MYO10: variants seen among roughly 807,000 people sequenced by gnomAD.
MYO10 encodes unconventional myosin-X.
A neutral mutation model predicts 257.3 loss-of-function variants in MYO10; 133 were observed. That is an observed-to-expected ratio of 0.52 (90% CI 0.45 to 0.60). The LOEUF (loss-of-function observed/expected upper bound fraction) is 0.60, where lower values mean the gene tolerates loss of function less well. Ranked by LOEUF, MYO10 falls within the 20% of genes least tolerant of loss-of-function variation. The pLI is 0.00. For synonymous variants in MYO10, 1,104 were observed against 1,028.6 expected (o/e 1.07, Z -1.40); for missense variants, 2,399 against 2,635.7 (o/e 0.91, Z 1.97).
intron 10 of MYO10, among the ~76,000 whole-genome samples, chr5:16,767,101 T>C (rs1006551804): frequency 2.0e-5 from 3 of 151,888 alleles, no homozygotes; most frequent in African/African-American, 4.8e-5. Context: ...CAGAAGAGTA[T>C]TCCAAAGGCT....
chr5:16,919,581 A>T (rs1745923889), intron 1 of MYO10, among the ~76,000 whole-genome samples: 2 of 152,176 alleles, frequency 1.3e-5, no homozygotes, highest in Non-Finnish European at 2.9e-5. Flanking sequence ...ATCACTTAGG[A>T]CTACCAAGCA....
chr5:16,699,446 A>G lies in MYO10; in HGVS notation c.3556+4T>C, dbSNP rs767741822. 6.2e-7 allele frequency: 1 copy of G among 1,613,598 alleles called. No individual in the cohort carries two copies. Among genetic ancestry groups the G allele is most frequent in the Admixed American group, 1.7e-5 (1 of 59,984 alleles). On this transcript the variant is annotated splice_donor_region_variant and intron_variant, in intron 26 of 40. Transcript: ENST00000513610. ...CCCAGACTCCATGGCGGCTGCAGTC[A>G]TACCTTTCATGTACAGAAAGCTGTG...
chr5:16,701,826 T>C lies in MYO10; in HGVS notation c.2569A>G (p.Arg857Gly), dbSNP rs924154090. Residue 857 changes from arginine to glycine, a missense_variant, in exon 25 of 41, where the codon AGG (arginine) becomes GGG (glycine). Around this residue, in one of 3 missense-constraint regions of MYO10, gnomAD observed 1,820 missense variants for 1,939.4 expected, o/e 0.94. Coordinates refer to ENST00000513610, the MANE Select transcript of MYO10 (RefSeq NM_012334.3). This position sits in a 1 kb window ranked among gnomAD's most constrained non-coding sequence, Gnocchi z 8.1. ...AAGGCTTCGAGTTCTTGCTGCTTCCTCGTTTCTTCTTCCTGGACAGAAGCA... is the reference window on the plus strand; with the variant it reads ...AAGGCTTCGAGTTCTTGCTGCTTCCCCGTTTCTTCTTCCTGGACAGAAGCA... ...ELRAQQEEET[R>G]KQQELEALQK... 2 of 1,602,512 alleles carry C rather than the reference T, an allele frequency of 1.2e-6. No individual in the cohort carries two copies. The highest frequency in any genetic ancestry group is 2.3e-5 in the South Asian group (2 of 88,802).
intron 2 of MYO10, among the ~76,000 whole-genome samples, chr5:16,854,494 C>G (rs1437302581): frequency 6.6e-6 from 1 of 152,162 alleles, no homozygotes; most frequent in African/African-American, 2.4e-5. Context: ...ATGTCCATAA[C>G]AGGCAGAGCT....
chr5:16,911,387 A>G (rs940997896), intron 1 of MYO10, among the ~76,000 whole-genome samples: 6 of 152,196 alleles, frequency 3.9e-5, no homozygotes, highest in African/African-American at 9.6e-5. Context: ...ACCTGCAGCC[A>G]AGGACGGCTT....
At chr5:16,893,919 G>A (rs1001317429) in intron 1 of MYO10, among the ~76,000 whole-genome samples, 12 of 152,178 alleles carry the variant, frequency 7.9e-5, no homozygotes, top group African/African-American at 2.9e-4. Context: ...AGCGAGGAGT[G>A]AGGGTACCCA....
intron 1 of MYO10, among the ~76,000 whole-genome samples, chr5:16,885,992 C>T (rs918056368): frequency 6.6e-6 from 1 of 152,128 alleles, no homozygotes; most frequent in Admixed American, 6.5e-5. Flanking sequence ...AGTAGGGCAC[C>T]CACGACAGCT....
At position 16,728,340 on chromosome 5, in the gene MYO10, C is replaced by T. The variant is rs6864337; in HGVS notation, c.1930-17095G>A. ...CTGGGGAAACCCTGTAGGCAGATCC[C>T]AAACTTCAGGCCACACACCAGCTTG... On this transcript the variant is annotated intron_variant, in intron 19 of 40. Transcript: ENST00000513610. 6.6e-3 allele frequency among the ~76,000 whole-genome samples: 1,001 copies of T among 152,202 alleles called. 10 individuals are homozygous for T. Among genetic ancestry groups the T allele is most frequent in the African/African-American group, 0.022 (922 of 41,516 alleles).
At chr5:16,843,376 A>ATAC (rs1280262683) in intron 2 of MYO10, among the ~76,000 whole-genome samples, 1 of 152,210 alleles carries the variant, frequency 6.6e-6, no homozygotes, top group Non-Finnish European at 1.5e-5. Flanking sequence ...GGCCATTCTT[A>ATAC]CCTGTATAAC....
At chr5:16,722,475 CCT>C (rs202059346) in intron 19 of MYO10, among the ~76,000 whole-genome samples, 5,059 of 149,772 alleles carry the variant, frequency 0.034, 291 homozygotes, top group African/African-American at 0.12. Flanking sequence ...ATAGGTTTTG[CCT>C]CTCTTACAGA....
At chr5:16,803,852 G>A (rs1434263671) in intron 3 of MYO10, among the ~76,000 whole-genome samples, 1 of 152,086 alleles carries the variant, frequency 6.6e-6, no homozygotes, top group South Asian at 2.1e-4. Flanking sequence ...ATAATTCAAA[G>A]GCCTCCCTTA....
chr5:16,821,279 T>TATGTACACATAGGAGGTACACATAGG (rs1416271959), intron 2 of MYO10, among the ~76,000 whole-genome samples: 7 of 149,322 alleles, frequency 4.7e-5, no homozygotes, highest in Non-Finnish European at 1.0e-4. Context: ...GTGTACATCC[T>TATGTACACATAGGAGGTACACATAGG]ATGTACACAT....
At chr5:16,880,500 G>T (rs1367691375) in intron 1 of MYO10, among the ~76,000 whole-genome samples, 1 of 151,914 alleles carries the variant, frequency 6.6e-6, no homozygotes, top group South Asian at 2.1e-4. Flanking sequence ...TACATGCTAT[G>T]GAGATTCTAA....
At position 16,818,254 on chromosome 5, in the gene MYO10, A is replaced by T. The variant is rs12188582; in HGVS notation, c.121-87T>A. ...TTTCCCAAACTGACAATACAATCTC[A>T]GTATAATTTCAGGAAAAAGATTCTA... On this transcript the variant is annotated intron_variant, in intron 2 of 40. Coordinates refer to ENST00000513610, the MANE Select transcript of MYO10 (RefSeq NM_012334.3). 13 of 1,138,510 alleles carry T rather than the reference A, an allele frequency of 1.1e-5. No homozygotes were observed. The Admixed American group carries it at 1.2e-4, about 11-fold the overall frequency. 70.5% of individuals were successfully genotyped at this position (1,138,510 alleles called of 1,614,324 possible).
intron 1 of MYO10, among the ~76,000 whole-genome samples, chr5:16,933,417 A>G (rs764263640): frequency 3.9e-5 from 6 of 152,208 alleles, no homozygotes; most frequent in Non-Finnish European, 7.3e-5. Flanking sequence ...TTGGCCATTC[A>G]TACACAAAGC....
chr5:16,844,848 T>C (rs1743580927), intron 2 of MYO10, among the ~76,000 whole-genome samples: 1 of 112,548 alleles, frequency 8.9e-6, no homozygotes, highest in Non-Finnish European at 1.8e-5. Context: ...GGGTGGGGGG[T>C]GGGAGGCTGC....
chr5:16,896,056 A>G (rs756590142), intron 1 of MYO10, among the ~76,000 whole-genome samples: 5 of 152,298 alleles, frequency 3.3e-5, no homozygotes, highest in Non-Finnish European at 7.3e-5. Flanking sequence ...CTCTCTGAAA[A>G]ATGGAGTCCT....
At chr5:16,818,192 TATTTC>T (rs1242715755) in intron 2 of MYO10, 25 bp from the exon 3 acceptor site, 1 of 1,456,504 alleles carries the variant, frequency 6.9e-7, no homozygotes, top group South Asian at 1.5e-5. Flanking sequence ...GGAATTCAAT[TATTTC>T]ATTATCAGCA....
intron 19 of MYO10, among the ~76,000 whole-genome samples, chr5:16,736,424 T>TGA (rs1348344353): frequency 6.6e-6 from 1 of 152,208 alleles, no homozygotes; most frequent in Non-Finnish European, 1.5e-5. Flanking sequence ...ATGGCTGCTC[T>TGA]GAGAGAGGGT....
Sources: allele counts gnomAD v4.1 joint callset (sites outside exome capture counted in the v4.1 genomes callset), GRCh38; gene constraint gnomAD v4.1.1; regional missense constraint gnomAD v4.1.1; non-coding constraint Gnocchi (gnomAD v3.1); transcripts MANE v1.5; gene names NCBI Gene and HGNC (gene_info 2026-07-23, HGNC 2026-07-21).